The following TSHZ2 variants were observed in gnomAD, a reference collection of about 807,000 sequenced individuals.
TSHZ2 encodes the protein teashirt homolog 2.
Under a neutral mutation model 74.4 loss-of-function variants are expected in TSHZ2, and 21 were observed. The observed-to-expected ratio is 0.28, with a 90% CI of 0.20 to 0.41. The LOEUF (loss-of-function observed/expected upper bound fraction) is 0.41, where lower values mean the gene tolerates loss of function less well. TSHZ2 is among the 10% of genes least tolerant of loss of function. The pLI, the probability that TSHZ2 is intolerant of heterozygous loss-of-function variation, is 1.00. For synonymous variants in TSHZ2, 540 were observed against 515.3 expected (o/e 1.05, Z -0.65); for missense variants, 1,244 against 1,293.5 (o/e 0.96, Z 0.59).
chr20:52,997,302 C>T (rs1400799218), intron 1 of TSHZ2, among the ~76,000 whole-genome samples: 10 of 135,592 alleles, frequency 7.4e-5, no homozygotes, highest in Admixed American at 3.6e-4. Context: ...TTTCTCGATG[C>T]TCATCTCTAC....
chr20:53,129,085 A>T (rs1252572196), intron 1 of TSHZ2, among the ~76,000 whole-genome samples: 1 of 152,218 alleles, frequency 6.6e-6, no homozygotes, highest in Non-Finnish European at 1.5e-5. Flanking sequence ...AGATATATGT[A>T]AAATTATATC....
rs1040106556 is a variant in TSHZ2 at position 53,255,585 on chromosome 20, C to T, written c.2127C>T (p.Ala709=). Residue 709 remains alanine, a synonymous_variant, in exon 2 of 3, where the codon GCC becomes GCT. Coordinates refer to ENST00000371497, the MANE Select transcript of TSHZ2 (RefSeq NM_173485.6). The surrounding 1 kb of genome is among the most constrained non-coding windows in gnomAD (Gnocchi z 4.1). Reference sequence around the variant, plus strand: ...TCCTGAACAATCACTTGGGCAAAGCCACGGAGCCCTTGCGCTCACCTTCCT... The same window carrying T: ...TCCTGAACAATCACTTGGGCAAAGCTACGGAGCCCTTGCGCTCACCTTCCT... The part of the protein sequence containing the change: ...QSVLNNHLGK[A]TEPLRSPSCS... 4 of 1,582,970 alleles carry T rather than the reference C, an allele frequency of 2.5e-6. No homozygotes were observed. Among genetic ancestry groups the T allele is most frequent in the East Asian group, 2.2e-5 (1 of 44,652 alleles).
intron 2 of TSHZ2, among the ~76,000 whole-genome samples, chr20:53,448,313 A>G (rs889799700): frequency 6.6e-5 from 10 of 152,174 alleles, no homozygotes; most frequent in Admixed American, 2.6e-4. Flanking sequence ...AAGGAGGGTT[A>G]AGGAAGAGGA....
chr20:53,155,737 G>A (rs1300408685), intron 1 of TSHZ2, among the ~76,000 whole-genome samples: 1 of 152,106 alleles, frequency 6.6e-6, no homozygotes, highest in East Asian at 1.9e-4. Context: ...AGGGAATTTT[G>A]CACATTTCAT....
chr20:53,403,014 G>T (rs1982723476), intron 2 of TSHZ2, among the ~76,000 whole-genome samples: 1 of 152,204 alleles, frequency 6.6e-6, no homozygotes, highest in African/African-American at 2.4e-5. Flanking sequence ...GACCAAGGTA[G>T]TGGACGCAGT....
chr20:53,030,829 C>T lies in TSHZ2; in HGVS notation c.40+57496C>T, dbSNP rs188267701. ...AACATTATAATCATATAGAGGATAGCGTAATCCAGTAGAGTTTTACAATCT... is the reference window on the plus strand; with the variant it reads ...AACATTATAATCATATAGAGGATAGTGTAATCCAGTAGAGTTTTACAATCT... On this transcript the variant is annotated intron_variant, in intron 1 of 2. Coordinates refer to ENST00000371497, the MANE Select transcript of TSHZ2 (RefSeq NM_173485.6). Among the ~76,000 whole-genome samples, 42 of 152,256 alleles carry T rather than the reference C, an allele frequency of 2.8e-4. No individual in the cohort carries two copies. In the East Asian group the frequency reaches 6.4e-3, roughly 23 times the overall value.
At chr20:53,435,523 A>C (rs1600636585) in intron 2 of TSHZ2, among the ~76,000 whole-genome samples, 1 of 152,108 alleles carries the variant, frequency 6.6e-6, no homozygotes, top group East Asian at 1.9e-4. Flanking sequence ...AAATTAATTT[A>C]TTTATTTTGA....
At chr20:53,201,970 G>T (rs1989019712) in intron 1 of TSHZ2, among the ~76,000 whole-genome samples, 1 of 152,208 alleles carries the variant, frequency 6.6e-6, no homozygotes, top group African/African-American at 2.4e-5. Context: ...GTATTCCAAA[G>T]GCAGTACTGA....
intron 2 of TSHZ2, among the ~76,000 whole-genome samples, chr20:53,417,884 ACT>A (rs1401123337): frequency 6.6e-6 from 1 of 152,214 alleles, no homozygotes; most frequent in Non-Finnish European, 1.5e-5. Context: ...TTCAGCAAAC[ACT>A]GAGGACCTCC....
intron 2 of TSHZ2, among the ~76,000 whole-genome samples, chr20:53,299,332 C>A (rs141680386): frequency 2.3e-3 from 356 of 152,280 alleles, no homozygotes; most frequent in African/African-American, 8.1e-3. Context: ...TGCTCTTTTC[C>A]CCATTAAATT....
At chr20:53,274,071 G>T (rs193118267) in intron 2 of TSHZ2, among the ~76,000 whole-genome samples, 1 of 152,144 alleles carries the variant, frequency 6.6e-6, no homozygotes, top group African/African-American at 2.4e-5. Context: ...ACAAGGTCAG[G>T]AGATCGAGAC....
chr20:53,480,358 C>G (rs1413419006), intron 2 of TSHZ2, among the ~76,000 whole-genome samples: 5 of 151,710 alleles, frequency 3.3e-5, no homozygotes, highest in Non-Finnish European at 7.4e-5. Context: ...CATGAGCCAC[C>G]GTGCCCAGCC....
chr20:53,484,868 A>C (rs1185381599), intron 2 of TSHZ2, among the ~76,000 whole-genome samples: 3 of 152,144 alleles, frequency 2.0e-5, no homozygotes, highest in African/African-American at 7.2e-5. Context: ...ACACATATCA[A>C]ATGTCATCTG....
intron 1 of TSHZ2, among the ~76,000 whole-genome samples, chr20:53,026,565 A>G (rs1215981239): frequency 1.3e-5 from 2 of 152,038 alleles, no homozygotes; most frequent in African/African-American, 4.8e-5. Flanking sequence ...AAGCCAACAA[A>G]ACTTCTATAG....
Position 53,131,831 on chromosome 20 carries a change from CCCCA to C in TSHZ2, c.41-121667_41-121664del, listed in dbSNP as rs749833961. 5.0e-3 allele frequency among the ~76,000 whole-genome samples: 513 copies of C among 102,664 alleles called. 1 individual carries two copies. Among genetic ancestry groups the C allele is most frequent in the Non-Finnish European group, 6.7e-3 (331 of 49,658 alleles). The allele number at this position is 102,664 out of a possible 152,430, so 67.4% of individuals were successfully genotyped here. A position where few individuals can be genotyped will look rare whatever the true frequency, so the allele number is the denominator to read the frequency against. On this transcript the variant is annotated intron_variant, in intron 1 of 2. Coordinates refer to ENST00000371497, the MANE Select transcript of TSHZ2 (RefSeq NM_173485.6). Reference sequence around the variant, plus strand: ...CACTTGAATGACAACCCCCCCCCCCCCCCAAAAAAAAAAAGCCACACTAGCAATC... The same window carrying C: ...CACTTGAATGACAACCCCCCCCCCCCAAAAAAAAAAGCCACACTAGCAATC...
rs370276521 is a variant in TSHZ2, at chr20:53,077,582, A to C, written c.40+104249A>C. Reference sequence around the variant, plus strand: ...GAGCAATTCTGGATGATCCAGAGATAGAAAGGCAAACAGAAGGGAGGACGA... The same window carrying C: ...GAGCAATTCTGGATGATCCAGAGATCGAAAGGCAAACAGAAGGGAGGACGA... On this transcript the variant is annotated intron_variant, in intron 1 of 2. Transcript: ENST00000371497. 9.4e-5 allele frequency among the ~76,000 whole-genome samples: 14 copies of C among 148,256 alleles called. 1 individual carries two copies. In the East Asian group the frequency reaches 1.7e-3, roughly 18 times the overall value.
intron 1 of TSHZ2, among the ~76,000 whole-genome samples, chr20:53,249,113 T>C (rs961968912): frequency 1.3e-5 from 2 of 152,126 alleles, no homozygotes; most frequent in Non-Finnish European, 2.9e-5. Flanking sequence ...AATGCTGGAA[T>C]TACAAGTGTG....
At chr20:53,118,961 A>G (rs371597942) in intron 1 of TSHZ2, among the ~76,000 whole-genome samples, 3 of 152,038 alleles carry the variant, frequency 2.0e-5, no homozygotes, top group Admixed American at 6.5e-5. Context: ...AGCGAGAGGG[A>G]GAGAGAGAGA....
At chr20:53,446,739 T>C (rs1395362687) in intron 2 of TSHZ2, among the ~76,000 whole-genome samples, 1 of 152,188 alleles carries the variant, frequency 6.6e-6, no homozygotes, top group African/African-American at 2.4e-5. Flanking sequence ...ACTGCAATCA[T>C]CTCTTGCCAG....
Sources: gnomAD v4.1 joint callset for allele counts (sites outside exome capture counted in the v4.1 genomes callset) on GRCh38, gnomAD v4.1.1 for gene constraint, Gnocchi (gnomAD v3.1) non-coding constraint, MANE v1.5 for transcripts, NCBI Gene and HGNC (gene_info 2026-07-23, HGNC 2026-07-21) for gene names.